The following RBFOX1 variants were observed in gnomAD, a reference collection of about 807,000 sequenced individuals.
RBFOX1 encodes the protein RNA binding fox-1 homolog 1.
Under a neutral mutation model 57.7 loss-of-function variants are expected in RBFOX1, and 8 were observed. The ratio of observed to expected loss-of-function variants is 0.14; its 90% CI spans 0.08 to 0.25. RBFOX1 has a LOEUF of 0.25. RBFOX1 is among the 10% of genes least tolerant of loss of function. RBFOX1 has a pLI of 1.00. For missense variants in RBFOX1, 611 were observed against 548.5 expected, an observed-to-expected ratio of 1.11 and a Z score of -1.14; for synonymous variants, 326 against 222.4, an observed-to-expected ratio of 1.47 and a Z score of -4.15.
chr16:5,894,991 C>G (rs972787046), intron 4 of RBFOX1, among the ~76,000 whole-genome samples: 11 of 151,972 alleles, frequency 7.2e-5, no homozygotes, highest in Non-Finnish European at 1.2e-4. Flanking sequence ...CCACTGCACT[C>G]CAGCCTGGGC....
chr16:5,745,023 C>T lies in RBFOX1; in HGVS notation c.319-122280C>T, dbSNP rs981498304. On this transcript the variant is annotated intron_variant, in intron 3 of 19. Transcript: ENST00000641259. ...GTTTGTTACATATGTATACGTGTGC[C>T]CTGTTGGTGTGCTGTACCCATTAAC... Among the ~76,000 whole-genome samples, 5 of 152,032 alleles carry T rather than the reference C, an allele frequency of 3.3e-5. 1 individual carries two copies. The highest frequency in any genetic ancestry group is 3.9e-4 in the East Asian group (2 of 5,170).
chr16:7,296,259 C>CTTT (rs33997825), intron 4 of RBFOX1, among the ~76,000 whole-genome samples: 2 of 119,768 alleles, frequency 1.7e-5, no homozygotes, highest in Admixed American at 8.4e-5. Context: ...TTATGTCCTC[C>CTTT]TTTTTTTTTT....
At chr16:6,709,632 T>A (rs993977741) in intron 3 of RBFOX1, among the ~76,000 whole-genome samples, 1 of 152,160 alleles carries the variant, frequency 6.6e-6, no homozygotes, top group African/African-American at 2.4e-5. Context: ...CCTGATTCGA[T>A]CTATGCTTAT....
At chr16:6,986,555 G>T (rs928869355) in intron 3 of RBFOX1, among the ~76,000 whole-genome samples, 4 of 152,150 alleles carry the variant, frequency 2.6e-5, no homozygotes, top group Admixed American at 6.5e-5. Flanking sequence ...GCTTCCCAAA[G>T]TGCTGGGATT....
intron 3 of RBFOX1, among the ~76,000 whole-genome samples, chr16:6,853,344 C>T (rs753659211): frequency 5.9e-4 from 89 of 152,090 alleles, no homozygotes; most frequent in Admixed American, 2.4e-3. Flanking sequence ...TGGCATACCT[C>T]TGTGCATTGT....
intron 1 of RBFOX1, among the ~76,000 whole-genome samples, chr16:5,255,350 AT>A (rs1567240522): frequency 2.9e-5 from 4 of 139,676 alleles, no homozygotes; most frequent in East Asian, 4.0e-4. Context: ...CCATCCATCC[AT>A]CCCTCCATCC....
chr16:5,282,195 A>G (rs2063289019), intron 1 of RBFOX1, among the ~76,000 whole-genome samples: 1 of 152,156 alleles, frequency 6.6e-6, no homozygotes, highest in Non-Finnish European at 1.5e-5. Context: ...CATCCCTGTA[A>G]GATGTGACTT....
At chr16:6,076,224 G>A (rs1044540024) in intron 1 of RBFOX1, among the ~76,000 whole-genome samples, 3 of 151,858 alleles carry the variant, frequency 2.0e-5, no homozygotes, top group East Asian at 1.9e-4. Context: ...GCTTGAACCC[G>A]GGAGGCGGAA....
chr16:6,600,749 A>G (rs892079461), intron 2 of RBFOX1, among the ~76,000 whole-genome samples: 16 of 152,316 alleles, frequency 1.1e-4, no homozygotes, highest in South Asian at 6.2e-4. Flanking sequence ...ACAGACAGAC[A>G]GTATAAGTAA....
At chr16:6,103,530 T>G (rs1379467633) in intron 1 of RBFOX1, among the ~76,000 whole-genome samples, 1 of 152,152 alleles carries the variant, frequency 6.6e-6, no homozygotes, top group Non-Finnish European at 1.5e-5. Flanking sequence ...AGTTGATGCC[T>G]TATTCATACA....
At chr16:7,190,483 C>G (rs1458502152) in intron 4 of RBFOX1, among the ~76,000 whole-genome samples, 2 of 151,894 alleles carry the variant, frequency 1.3e-5, no homozygotes, top group Non-Finnish European at 2.9e-5. Context: ...TTTTACATAT[C>G]ATCCAGGCAT....
chr16:7,152,070 C>G (rs1022592373), intron 4 of RBFOX1, among the ~76,000 whole-genome samples: 1 of 152,138 alleles, frequency 6.6e-6, no homozygotes, highest in Non-Finnish European at 1.5e-5. Flanking sequence ...TGTTGACAGT[C>G]CCTGTATTGA....
At chr16:7,696,307 C>G (rs1429861165) in intron 14 of RBFOX1, among the ~76,000 whole-genome samples, 2 of 152,154 alleles carry the variant, frequency 1.3e-5, no homozygotes, top group African/African-American at 4.8e-5. Context: ...CTAATGCATC[C>G]AGCTTGGACA....
At chr16:5,851,244 G>A (rs1372212237) in intron 3 of RBFOX1, among the ~76,000 whole-genome samples, 1 of 152,180 alleles carries the variant, frequency 6.6e-6, no homozygotes, top group Non-Finnish European at 1.5e-5. Context: ...ATATCAGTGT[G>A]CATTCAGCTT....
At chr16:5,978,183 G>A (rs1392506176) in intron 4 of RBFOX1, among the ~76,000 whole-genome samples, 3 of 135,930 alleles carry the variant, frequency 2.2e-5, no homozygotes, top group Non-Finnish European at 4.6e-5. Flanking sequence ...GTGTGGTAGT[G>A]CATTCCTGTA....
chr16:7,269,043 CAAAAAAAA>C (rs56297510), intron 4 of RBFOX1, among the ~76,000 whole-genome samples: 140 of 52,298 alleles, frequency 2.7e-3, no homozygotes, highest in Non-Finnish European at 4.1e-3. Context: ...TCTTCCATCT[CAAAAAAAA>C]AAAAAAAAAA....
At chr16:5,377,998 C>T (rs1442975568) in intron 1 of RBFOX1, among the ~76,000 whole-genome samples, 1 of 151,520 alleles carries the variant, frequency 6.6e-6, no homozygotes, top group African/African-American at 2.5e-5. Context: ...TTTTAAAGCA[C>T]AATGACCTTT....
intron 2 of RBFOX1, among the ~76,000 whole-genome samples, chr16:6,505,901 A>G (rs1368318785): frequency 6.6e-6 from 1 of 152,156 alleles, no homozygotes; most frequent in African/African-American, 2.4e-5. Flanking sequence ...GTGACAGAGA[A>G]CCTGTTACCT....
At chr16:6,424,506 T>C (rs2093865821) in intron 2 of RBFOX1, among the ~76,000 whole-genome samples, 1 of 152,186 alleles carries the variant, frequency 6.6e-6, no homozygotes, top group Admixed American at 6.5e-5. Flanking sequence ...GGAATGCTAC[T>C]GCTCAGCATC....
Sources: allele counts gnomAD v4.1 joint callset (sites outside exome capture counted in the v4.1 genomes callset), GRCh38; gene constraint gnomAD v4.1.1; transcripts MANE v1.5; gene names NCBI Gene and HGNC (gene_info 2026-07-23, HGNC 2026-07-21).